GAN: variants seen among roughly 807,000 people sequenced by gnomAD.
GAN encodes the protein gigaxonin.
GAN carries 48 observed loss-of-function variants against 71.3 expected under a neutral mutation model. That is an observed-to-expected ratio of 0.67 (90% CI 0.53 to 0.86). The LOEUF is 0.86. Ranked by LOEUF, GAN falls within the 40% of genes least tolerant of loss-of-function variation. The pLI is 0.00. For synonymous variants in GAN, 386 were observed against 276.8 expected, an observed-to-expected ratio of 1.39 and a Z score of -3.92; for missense variants, 928 against 770.1, an observed-to-expected ratio of 1.21 and a Z score of -2.43.
In GAN at chr16:81,384,113, T is replaced by G. The variant is rs774683513; in HGVS notation, c.*6517T>G. ...ATTGGATGAGAATTACATGCACTTA[T>G]TCAGTTGTTCTTTGTGTTTATAGGA... On this transcript the variant is annotated 3_prime_UTR_variant, in exon 11 of 11. Transcript: ENST00000648994. 6.6e-6 allele frequency: 1 copy of G among 152,084 alleles called. No homozygotes were observed. The highest frequency in any genetic ancestry group is 2.4e-5 in the African/African-American group (1 of 41,398). The allele number at this position is 152,084 out of a possible 1,614,324, so 9.4% of individuals were successfully genotyped here.
At position 81,377,482 on chromosome 16, in the gene GAN, C is replaced by G. The variant is rs148281136; in HGVS notation, c.1680C>G (p.Leu560=). ...GAACCTGGCACCACACTAAACCACT[C>G]CTTCCATCCGACCTTCGCCGTACAG... ...STGTWHHTKP[L]LPSDLRRTGC... The change falls in exon 11 of 11, where the codon CTC becomes CTG. Residue 560 remains leucine (L), a synonymous_variant. Coordinates refer to ENST00000648994, the MANE Select transcript of GAN (RefSeq NM_022041.4). The G allele has an allele frequency of 2.1e-5, 34 of 1,613,950 alleles. No homozygotes were observed. Among genetic ancestry groups the G allele is most frequent in the Non-Finnish European group, 2.5e-5 (29 of 1,179,914 alleles).
Position 81,380,062 on chromosome 16 carries a change from T to C in GAN, c.*2466T>C, listed in dbSNP as rs1294801569. 6.6e-6 allele frequency: 1 copy of C among 152,596 alleles called. No homozygotes were observed. The highest frequency in any genetic ancestry group is 1.5e-5 in the Non-Finnish European group (1 of 68,020). 9.5% of individuals were successfully genotyped at this position (152,596 alleles called of 1,614,324 possible). On this transcript the variant is annotated 3_prime_UTR_variant, in exon 11 of 11. Transcript: ENST00000648994. ...CTGTTATTTTACTATATATAAATAT[T>C]AAAATATTGTGTTGAAGTATAGGGA...
At chr16:81,324,622 T>A (rs1909322122) in intron 1 of GAN, among the ~76,000 whole-genome samples, 1 of 152,006 alleles carries the variant, frequency 6.6e-6, no homozygotes, top group Admixed American at 6.6e-5. Flanking sequence ...TTAGACTGCT[T>A]CCAAAGAAGA....
At chr16:81,365,536 A>ATT in intron 9 of GAN, 58 bp downstream of exon 9, 3 of 1,548,122 alleles carry the variant, frequency 1.9e-6, no homozygotes, top group Non-Finnish European at 1.8e-6. Context: ...TTTCAGTCGT[A>ATT]TTTTAGCTTT....
chr16:81,386,311 C>T lies in GAN; in HGVS notation c.*8715C>T, dbSNP rs1420655024. The T allele has an allele frequency of 6.6e-6, 1 of 152,052 alleles. No homozygotes were observed. Among genetic ancestry groups the T allele is most frequent in the Non-Finnish European group, 1.5e-5 (1 of 68,032 alleles). 9.4% of individuals were successfully genotyped at this position (152,052 alleles called of 1,614,324 possible). On this transcript the variant is annotated 3_prime_UTR_variant, in exon 11 of 11. Coordinates refer to ENST00000648994, the MANE Select transcript of GAN (RefSeq NM_022041.4). ...TATTGGTCAAAGAAACGAGATAATT[C>T]CTAGATCTCTGTTTTAGACCAGTAG...
In GAN at chr16:81,383,963, T is replaced by G. The variant is rs1055099003; in HGVS notation, c.*6367T>G. Reference sequence around the variant, plus strand: ...ATAGGTTTGGGTACCTTATTTTTATTGTTTTTACTCATCAGTTATGAATAA... The same window carrying G: ...ATAGGTTTGGGTACCTTATTTTTATGGTTTTTACTCATCAGTTATGAATAA... On this transcript the variant is annotated 3_prime_UTR_variant, in exon 11 of 11. Transcript: ENST00000648994. 1 of 152,204 alleles carries G rather than the reference T, an allele frequency of 6.6e-6. No homozygotes were observed. Among genetic ancestry groups the G allele is most frequent in the Non-Finnish European group, 1.5e-5 (1 of 68,042 alleles). 9.4% of individuals were successfully genotyped at this position (152,204 alleles called of 1,614,324 possible).
Position 81,377,767 on chromosome 16 carries a change from A to G in GAN, c.*171A>G. ...TTGAGCTTTAGCTCTTGTTTGGGAG[A>G]ACACGTAACTGTTGAAAAACTACCT... On this transcript the variant is annotated 3_prime_UTR_variant, in exon 11 of 11. Transcript: ENST00000648994. 1 of 671,766 alleles carries G rather than the reference A, an allele frequency of 1.5e-6. No homozygotes were observed. The highest frequency in any genetic ancestry group is 2.6e-6 in the Non-Finnish European group (1 of 379,534). 41.6% of individuals were successfully genotyped at this position (671,766 alleles called of 1,614,324 possible).
chr16:81,366,842 T>G (rs1910872410), intron 9 of GAN, among the ~76,000 whole-genome samples: 1 of 152,146 alleles, frequency 6.6e-6, no homozygotes. Flanking sequence ...TCTTTCTTTT[T>G]TGGAGACAGT....
intron 3 of GAN, 50 bp downstream of exon 3, chr16:81,354,805 A>T: frequency 9.3e-7 from 1 of 1,069,630 alleles, no homozygotes; most frequent in Non-Finnish European, 1.4e-6. Flanking sequence ...TTTCTTTTTA[A>T]TTCAAATTTT....
chr16:81,352,374 G>A (rs1466539750), intron 2 of GAN, among the ~76,000 whole-genome samples: 3 of 152,154 alleles, frequency 2.0e-5, no homozygotes, highest in Non-Finnish European at 4.4e-5. Context: ...CATTCCCCAT[G>A]ACGTGATTTC....
chr16:81,351,832 T>A, intron 2 of GAN, 135 bp downstream of exon 2: 1 of 712,848 alleles, frequency 1.4e-6, no homozygotes, highest in Non-Finnish European at 2.6e-6. Flanking sequence ...TTGACTGACA[T>A]TTCCTACTGG....
chr16:81,350,560 G>C (rs997816935), intron 1 of GAN, among the ~76,000 whole-genome samples: 9 of 149,286 alleles, frequency 6.0e-5, no homozygotes, highest in African/African-American at 2.2e-4. Flanking sequence ...CTGTCACCTA[G>C]GCTGGAGTGC....
chr16:81,346,268 A>G (rs1261902214), intron 1 of GAN, among the ~76,000 whole-genome samples: 2 of 152,232 alleles, frequency 1.3e-5, no homozygotes, highest in South Asian at 4.1e-4. Context: ...AAAATACAGG[A>G]ATAGATATAT....
rs371297649 is a variant in GAN, at chr16:81,386,675, G to C, written c.*9079G>C. ...AAAAGGAAGTAGAACAGCCGGGCGCGGTGGCTCACGCCTGTAATCCCAGGA... is the reference window on the plus strand; with the variant it reads ...AAAAGGAAGTAGAACAGCCGGGCGCCGTGGCTCACGCCTGTAATCCCAGGA... On this transcript the variant is annotated 3_prime_UTR_variant, in exon 11 of 11. Transcript: ENST00000648994. 6.6e-6 allele frequency: 1 copy of C among 152,330 alleles called. No individual in the cohort carries two copies. The highest frequency in any genetic ancestry group is 6.5e-5 in the Admixed American group (1 of 15,298). The allele number at this position is 152,330 out of a possible 1,614,324, so 9.4% of individuals were successfully genotyped here. A position where few individuals can be genotyped will look rare whatever the true frequency, so the allele number is the denominator to read the frequency against.
At position 81,387,671 on chromosome 16, in the gene GAN, C is replaced by G. The variant is rs1424892012; in HGVS notation, c.*10075C>G. ...TCTCTACTAAAAATACAAAAATTAGCCGAGTGTGTTGGTGGGCCCCTGTAA... is the reference window on the plus strand; with the variant it reads ...TCTCTACTAAAAATACAAAAATTAGGCGAGTGTGTTGGTGGGCCCCTGTAA... On this transcript the variant is annotated 3_prime_UTR_variant, in exon 11 of 11. Transcript: ENST00000648994. 6.6e-6 allele frequency: 1 copy of G among 152,084 alleles called. No homozygotes were observed. The highest frequency in any genetic ancestry group is 1.5e-5 in the Non-Finnish European group (1 of 68,082). The allele number at this position is 152,084 out of a possible 1,614,324, so 9.4% of individuals were successfully genotyped here. A position where few individuals can be genotyped will look rare whatever the true frequency, so the allele number is the denominator to read the frequency against.
At position 81,375,839 on chromosome 16, in the gene GAN, G is replaced by T. The variant is rs150039366; in HGVS notation, c.1503-1380G>T. Among the ~76,000 whole-genome samples the T allele has an allele frequency of 6.1e-3, 930 of 151,882 alleles. 7 individuals are homozygous for T. Among genetic ancestry groups the T allele is most frequent in the African/African-American group, 0.021 (882 of 41,422 alleles). ...AAATTCATTAGCTGGGTGTGGTGGTGTGCACCTGTGGTCCCAACTATTTGG... is the reference window on the plus strand; with the variant it reads ...AAATTCATTAGCTGGGTGTGGTGGTTTGCACCTGTGGTCCCAACTATTTGG... On this transcript the variant is annotated intron_variant, in intron 9 of 10. Transcript: ENST00000648994.
intron 1 of GAN, among the ~76,000 whole-genome samples, chr16:81,325,089 G>A (rs536685421): frequency 3.3e-5 from 5 of 152,318 alleles, no homozygotes; most frequent in Admixed American, 6.5e-5. Context: ...CATGCTGTTG[G>A]CTTCTTCATC....
At chr16:81,343,149 C>CA (rs745494827) in intron 1 of GAN, among the ~76,000 whole-genome samples, 67 of 151,712 alleles carry the variant, frequency 4.4e-4, no homozygotes, top group Middle Eastern at 3.4e-3. Flanking sequence ...GCCTACCAAC[C>CA]AAAAAAAAGT....
chr16:81,354,774 A>G lies in GAN; in HGVS notation c.633+19A>G, dbSNP rs112194888. The G allele has an allele frequency of 2.6e-4, 368 of 1,411,118 alleles. No homozygotes were observed. The African/African-American group carries it at 4.4e-3, about 17-fold the overall frequency. 87.4% of individuals were successfully genotyped at this position (1,411,118 alleles called of 1,614,324 possible). A position where few individuals can be genotyped will look rare whatever the true frequency, so the allele number is the denominator to read the frequency against. ...AAGAAAGGTACCTGTCATTTATAACATGGTCAAATTTGCCTTTTTATTTCT... is the reference window on the plus strand; with the variant it reads ...AAGAAAGGTACCTGTCATTTATAACGTGGTCAAATTTGCCTTTTTATTTCT... On this transcript the variant is annotated intron_variant, in intron 3 of 10. Coordinates refer to ENST00000648994, the MANE Select transcript of GAN (RefSeq NM_022041.4).
Sources: allele counts gnomAD v4.1 joint callset (sites outside exome capture counted in the v4.1 genomes callset), GRCh38; gene constraint gnomAD v4.1.1; transcripts MANE v1.5; gene names NCBI Gene and HGNC (gene_info 2026-07-23, HGNC 2026-07-21).